The following ZNG1F variants were observed in gnomAD, a reference collection of about 807,000 sequenced individuals.
ZNG1F encodes the protein zinc-regulated GTPase metalloprotein activator 1F.
chr9:41,132,264 C>A, the ZNG1F span: 1 of 1,604,320 alleles, frequency 6.2e-7, no homozygotes, highest in Admixed American at 1.7e-5. Flanking sequence ...TCAGTGTCAT[C>A]CTTCCAGCTC....
the ZNG1F span, among the ~76,000 whole-genome samples, chr9:41,196,742 AT>A: frequency 0.13 from 10,707 of 81,476 alleles, 367 homozygotes; most frequent in South Asian, 0.26. Flanking sequence ...GTATGTGTAT[AT>A]ATATAGTATT....
At chr9:41,204,388 TTATATATA>T in the ZNG1F span, among the ~76,000 whole-genome samples, 15 of 20,216 alleles carry the variant, frequency 7.4e-4, no homozygotes, top group African/African-American at 1.8e-3. Context: ...AATTTTTATT[TTATATATA>T]TATATATATA....
the ZNG1F span, among the ~76,000 whole-genome samples, chr9:41,193,048 T>G: frequency 1.4e-5 from 2 of 147,596 alleles, no homozygotes; most frequent in African/African-American, 4.9e-5. Flanking sequence ...CATTTAACTC[T>G]CCAAGGTAAA....
the ZNG1F span, among the ~76,000 whole-genome samples, chr9:41,173,962 C>T: frequency 1.3e-5 from 2 of 149,002 alleles, no homozygotes; most frequent in African/African-American, 2.5e-5. Context: ...TGGCTCACGC[C>T]TGTAATCCCA....
chr9:41,150,369 A>C, the ZNG1F span, among the ~76,000 whole-genome samples: 2 of 148,808 alleles, frequency 1.3e-5, 1 homozygote, highest in East Asian at 4.0e-4. Flanking sequence ...CTGAGATCAA[A>C]CTGCAAGGCG....
At chr9:41,172,938 AT>A in the ZNG1F span, among the ~76,000 whole-genome samples, 1 of 93,718 alleles carries the variant, frequency 1.1e-5, no homozygotes, top group East Asian at 3.1e-4. Flanking sequence ...AAGTCAATGC[AT>A]TTCCTGAGTG....
chr9:41,141,100 T>TA, the ZNG1F span, among the ~76,000 whole-genome samples: 1 of 151,032 alleles, frequency 6.6e-6, no homozygotes, highest in Non-Finnish European at 1.5e-5. Flanking sequence ...AGGGGTACAA[T>TA]AAACTCCAGT....
chr9:41,174,232 G>GAAACAAAAAAA, the ZNG1F span: 1 of 904,710 alleles, frequency 1.1e-6, no homozygotes, highest in Non-Finnish European at 1.4e-6. Flanking sequence ...CTCTGTCTCA[G>GAAACAAAAAAA]AAAAAAAAAA....
the ZNG1F span, among the ~76,000 whole-genome samples, chr9:41,187,135 A>G: frequency 6.8e-6 from 1 of 147,918 alleles, no homozygotes; most frequent in Admixed American, 7.0e-5. Flanking sequence ...TTATGAAAAA[A>G]AAAACACTTT....
the ZNG1F span, among the ~76,000 whole-genome samples, chr9:41,150,292 T>C: frequency 2.0e-5 from 3 of 150,180 alleles, no homozygotes; most frequent in Non-Finnish European, 4.4e-5. Context: ...CACCAGGAGA[T>C]TGTGTCCCGC....
chr9:41,193,740 A>G, the ZNG1F span, among the ~76,000 whole-genome samples: 2 of 151,942 alleles, frequency 1.3e-5, no homozygotes, highest in Non-Finnish European at 2.9e-5. Context: ...TCTATACTAA[A>G]AATACAAAAA....
the ZNG1F span, among the ~76,000 whole-genome samples, chr9:41,141,313 C>T: frequency 6.7e-6 from 1 of 150,252 alleles, no homozygotes; most frequent in Admixed American, 6.7e-5. Flanking sequence ...TGGGTTTTCT[C>T]ATCTACCTTC....
At chr9:41,191,020 C>G in the ZNG1F span, among the ~76,000 whole-genome samples, 2 of 40,192 alleles carry the variant, frequency 5.0e-5, no homozygotes, top group African/African-American at 1.3e-4. Flanking sequence ...GAAATCAGGT[C>G]TTGAATGTTT....
the ZNG1F span, chr9:41,132,073 C>A: frequency 1.0e-5 from 16 of 1,530,820 alleles, no homozygotes; most frequent in Admixed American, 4.3e-5. Context: ...CAAGCTTTTA[C>A]GAACATTGTA....
chr9:41,174,013 G>C, the ZNG1F span, among the ~76,000 whole-genome samples: 2 of 148,854 alleles, frequency 1.3e-5, no homozygotes, highest in Non-Finnish European at 3.0e-5. Context: ...CCTGAAGTCA[G>C]GGGTTCAAGA....
the ZNG1F span, among the ~76,000 whole-genome samples, chr9:41,175,201 T>C: frequency 3.4e-5 from 5 of 148,324 alleles, 1 homozygote; most frequent in African/African-American, 1.0e-4. Flanking sequence ...CATCACTCTG[T>C]GTCAACAATG....
the ZNG1F span, among the ~76,000 whole-genome samples, chr9:41,166,337 G>A: frequency 4.1e-5 from 5 of 122,232 alleles, no homozygotes; most frequent in African/African-American, 1.6e-4. Flanking sequence ...GCTGAGGCAG[G>A]AGAATCGCTT....
At chr9:41,158,389 GT>G in the ZNG1F span, 1 of 91,054 alleles carries the variant, frequency 1.1e-5, no homozygotes, top group African/African-American at 4.2e-5. Context: ...AATGAATGAA[GT>G]TTCCCTCCAA....
the ZNG1F span, chr9:41,131,976 C>T: frequency 3.6e-6 from 2 of 554,834 alleles, no homozygotes; most frequent in Non-Finnish European, 6.4e-6. Flanking sequence ...GTGATTCCAT[C>T]TTTAACTTTC....
Sources: gnomAD v4.1 joint callset for allele counts (sites outside exome capture counted in the v4.1 genomes callset) on GRCh38, gnomAD v4.1.1 for gene constraint, MANE v1.5 for transcripts, NCBI Gene and HGNC (gene_info 2026-07-23, HGNC 2026-07-21) for gene names.